Variants in TRAF5 observed in about 807,000 individuals in gnomAD.
The protein encoded by TRAF5 is TNF receptor associated factor 5.
In TRAF5, 48 loss-of-function variants were observed where a neutral mutation model predicts 64.5. That is an observed-to-expected ratio of 0.74 (90% CI 0.59 to 0.95). TRAF5 has a LOEUF of 0.95. Ranked by LOEUF, TRAF5 falls within the 40% of genes least tolerant of loss-of-function variation. The pLI is 0.00. For synonymous variants in TRAF5, 206 were observed against 240.5 expected, an observed-to-expected ratio of 0.86 and a Z score of 1.33; for missense variants, 545 against 662.8, an observed-to-expected ratio of 0.82 and a Z score of 1.95.
chr1:211,370,435 A>G (rs1703486109), intron 9 of TRAF5, among the ~76,000 whole-genome samples: 1 of 151,948 alleles, frequency 6.6e-6, no homozygotes, highest in Non-Finnish European at 1.5e-5. Flanking sequence ...TACAATGTAT[A>G]TGTATGTGAA....
In TRAF5 at chr1:211,372,128, CCGTT is replaced by C; in HGVS notation, c.1101_1104del (p.Val368Ter). On this transcript the variant is annotated frameshift_variant and splice_region_variant, in exon 11 of 11. Transcript: ENST00000261464. LOFTEE classifies it high-confidence loss of function. ...TTTTTTTTTTTTTTCTTATTTGCAG[CCGTT>C]TTAGAAGAGGAAACTAACAAACATG... 1 of 1,503,230 alleles carries C rather than the reference CCGTT, an allele frequency of 6.7e-7. No homozygotes were observed. Among genetic ancestry groups the C allele is most frequent in the Non-Finnish European group, 8.9e-7 (1 of 1,125,566 alleles). The allele number at this position is 1,503,230 out of a possible 1,614,324, so 93.1% of individuals were successfully genotyped here.
At chr1:211,355,008 A>C (rs563073531) in intron 3 of TRAF5, among the ~76,000 whole-genome samples, 2 of 152,208 alleles carry the variant, frequency 1.3e-5, no homozygotes, top group East Asian at 3.9e-4. Context: ...CCCTGTCTCT[A>C]CTAAAAATAC....
chr1:211,352,462 G>GTTT (rs1320966777), intron 1 of TRAF5, among the ~76,000 whole-genome samples: 1 of 110,036 alleles, frequency 9.1e-6, no homozygotes, highest in Non-Finnish European at 1.9e-5. Flanking sequence ...AAAAAAAAAA[G>GTTT]TTTTTTTTTT....
rs188260736 is a variant in TRAF5, at chr1:211,361,802, T to C, written c.696+640T>C. On this transcript the variant is annotated intron_variant, in intron 7 of 10. Transcript: ENST00000261464. Reference sequence around the variant, plus strand: ...ACCTCTGCATCCTGGGTTCAAGCAATTCTCCTGCCTCGGCCTCCTGAGTAG... The same window carrying C: ...ACCTCTGCATCCTGGGTTCAAGCAACTCTCCTGCCTCGGCCTCCTGAGTAG... 6.1e-5 allele frequency among the ~76,000 whole-genome samples: 9 copies of C among 148,636 alleles called. 1 individual carries two copies. The East Asian group carries it at 1.8e-3, about 31-fold the overall frequency.
At position 211,369,444 on chromosome 1, in the gene TRAF5, G is replaced by A. The variant is rs1198832577; in HGVS notation, c.790-8G>A. Reference sequence around the variant, plus strand: ...TGACTTTATTTTTCCTCACGTTCCTGTTATTAGATTTCTGACTTACACAAG... The same window carrying A: ...TGACTTTATTTTTCCTCACGTTCCTATTATTAGATTTCTGACTTACACAAG... On this transcript the variant is annotated splice_region_variant and splice_polypyrimidine_tract_variant and intron_variant, in intron 8 of 10. Coordinates refer to ENST00000261464, the MANE Select transcript of TRAF5 (RefSeq NM_001033910.3). 2 of 1,572,782 alleles carry A rather than the reference G, an allele frequency of 1.3e-6. No individual in the cohort carries two copies. The highest frequency in any genetic ancestry group is 2.4e-5 in the South Asian group (2 of 81,928).
At position 211,371,343 on chromosome 1, in the gene TRAF5, T is replaced by C; in HGVS notation, c.972T>C (p.Ala324=). The C allele has an allele frequency of 6.2e-7, 1 of 1,608,546 alleles. No individual in the cohort carries two copies. The highest frequency in any genetic ancestry group is 1.1e-5 in the South Asian group (1 of 89,306). The change falls in exon 10 of 11, where the codon GCT becomes GCC. Residue 324 remains alanine, a synonymous_variant. Transcript: ENST00000261464. ...SHIDKSAWLE[A]QVHQLLQMVN... Reference sequence around the variant, plus strand: ...TTGACAAGTCAGCTTGGCTAGAAGCTCAAGTGCATCAATTATTACAAATGG... The same window carrying C: ...TTGACAAGTCAGCTTGGCTAGAAGCCCAAGTGCATCAATTATTACAAATGG...
At chr1:211,350,565 C>A (rs919197916) in intron 1 of TRAF5, among the ~76,000 whole-genome samples, 1 of 152,106 alleles carries the variant, frequency 6.6e-6, no homozygotes, top group East Asian at 1.9e-4. Context: ...AGGGAGATAA[C>A]CTAACATTGT....
chr1:211,359,860 T>TTCCTACCA lies in TRAF5; in HGVS notation c.379-51_379-44dup, dbSNP rs773956748. Reference sequence around the variant, plus strand: ...TCCCTAGGCCTTCCAGCTGACTTCTTTCCTACCACCCTGGTCAGCAGGTCC... The same window carrying TTCCTACCA: ...TCCCTAGGCCTTCCAGCTGACTTCTTTCCTACCATCCTACCACCCTGGTCAGCAGGTCC... On this transcript the variant is annotated intron_variant, in intron 4 of 10. Coordinates refer to ENST00000261464, the MANE Select transcript of TRAF5 (RefSeq NM_001033910.3). The TTCCTACCA allele has an allele frequency of 1.7e-5, 27 of 1,608,834 alleles. No individual in the cohort carries two copies. In the East Asian group the frequency reaches 6.0e-4, roughly 36 times the overall value.
At chr1:211,341,138 G>A (rs188409585) in intron 1 of TRAF5, among the ~76,000 whole-genome samples, 1 of 152,310 alleles carries the variant, frequency 6.6e-6, no homozygotes, top group East Asian at 1.9e-4. Flanking sequence ...GGTGGCAGTA[G>A]GTAGCCTTTC....
rs139298194 is a variant in TRAF5 at position 211,374,421 on chromosome 1, A to T, written c.*1719A>T. ...TTAACCCTATAGAAGCATGCTTTAT[A>T]TGAGTGTCTTCTGGGAAGAGGAACC... On this transcript the variant is annotated 3_prime_UTR_variant, in exon 11 of 11. Transcript: ENST00000261464. The T allele has an allele frequency of 6.6e-6, 1 of 151,836 alleles. No homozygotes were observed. Among genetic ancestry groups the T allele is most frequent in the Non-Finnish European group, 1.5e-5 (1 of 68,032 alleles). The allele number at this position is 151,836 out of a possible 1,614,324, so 9.4% of individuals were successfully genotyped here.
intron 1 of TRAF5, among the ~76,000 whole-genome samples, chr1:211,335,910 G>T (rs1702277486): frequency 6.6e-6 from 1 of 152,182 alleles, no homozygotes; most frequent in Admixed American, 6.5e-5. Context: ...GGCAGAGCAG[G>T]GGCCCCATGC....
chr1:211,339,168 C>T (rs1307232768), intron 1 of TRAF5, among the ~76,000 whole-genome samples: 1 of 152,154 alleles, frequency 6.6e-6, no homozygotes, highest in Non-Finnish European at 1.5e-5. Context: ...CTTGAGGCCT[C>T]GGACTGTTCA....
intron 7 of TRAF5, among the ~76,000 whole-genome samples, chr1:211,363,838 G>C (rs1363685653): frequency 6.6e-6 from 1 of 150,658 alleles, no homozygotes; most frequent in African/African-American, 2.5e-5. Flanking sequence ...TTGAGCCAGG[G>C]AGGCAGAGAT....
chr1:211,364,370 G>A (rs772412432), intron 7 of TRAF5, among the ~76,000 whole-genome samples: 31 of 152,158 alleles, frequency 2.0e-4, no homozygotes, highest in Non-Finnish European at 3.8e-4. Flanking sequence ...TTGACAGGAG[G>A]AAGAACTAGC....
intron 1 of TRAF5, among the ~76,000 whole-genome samples, chr1:211,341,380 C>T (rs1410889908): frequency 6.6e-6 from 1 of 152,094 alleles, no homozygotes; most frequent in Non-Finnish European, 1.5e-5. Context: ...GGCAGGAGGG[C>T]AGTGATTTAG....
chr1:211,369,542 C>T lies in TRAF5; in HGVS notation c.880C>T (p.Gln294Ter). The change falls in exon 9 of 11, where the codon CAG becomes TAG. Residue 294 changes from glutamine to a stop codon, truncating the protein, a stop_gained. Transcript: ENST00000261464. LOFTEE classifies it high-confidence loss of function. Reference sequence around the variant, plus strand: ...AAAGAAACTTGAAAAGGAGTTCAAGCAGTTTGCACAGTTGTTTGGCAAAAA... The same window carrying T: ...AAAGAAACTTGAAAAGGAGTTCAAGTAGTTTGCACAGTTGTTTGGCAAAAA... ...TIKKLEKEFK[Q>*]FAQLFGKNGS... 1 of 1,607,298 alleles carries T rather than the reference C, an allele frequency of 6.2e-7. No individual in the cohort carries two copies.
intron 1 of TRAF5, among the ~76,000 whole-genome samples, chr1:211,341,337 T>A (rs1702443240): frequency 6.7e-6 from 1 of 148,212 alleles, no homozygotes; most frequent in South Asian, 2.2e-4. Context: ...GATCAGGGAG[T>A]TTCAAGAAGG....
intron 7 of TRAF5, among the ~76,000 whole-genome samples, chr1:211,361,400 C>T (rs1487767483): frequency 2.6e-5 from 4 of 152,120 alleles, no homozygotes; most frequent in Non-Finnish European, 5.9e-5. Flanking sequence ...CCAAAATCTG[C>T]AGGGCAGCTC....
chr1:211,343,857 C>G (rs748695556), intron 1 of TRAF5, among the ~76,000 whole-genome samples: 2 of 152,130 alleles, frequency 1.3e-5, no homozygotes, highest in Non-Finnish European at 2.9e-5. Context: ...CTAATGGGAG[C>G]TCGAGGAACT....
Sources: allele counts gnomAD v4.1 joint callset (sites outside exome capture counted in the v4.1 genomes callset), GRCh38; gene constraint gnomAD v4.1.1; transcripts MANE v1.5; gene names NCBI Gene and HGNC (gene_info 2026-07-23, HGNC 2026-07-21).